Variants in DTX3L observed in about 807,000 individuals in gnomAD.
DTX3L encodes the protein E3 ubiquitin-protein ligase DTX3L.
DTX3L carries 34 observed loss-of-function variants against 60.9 expected under a neutral mutation model. That is an observed-to-expected ratio of 0.56 (90% CI 0.42 to 0.74). The LOEUF is 0.74. Ranked by LOEUF, DTX3L falls within the 30% of genes least tolerant of loss-of-function variation. DTX3L has a pLI of 0.00. For missense variants in DTX3L, 810 were observed against 874.0 expected, an observed-to-expected ratio of 0.93 and a Z score of 0.92; for synonymous variants, 290 against 316.6, an observed-to-expected ratio of 0.92 and a Z score of 0.89.
chr3:122,571,826 C>T lies in DTX3L; in HGVS notation c.*79C>T. On this transcript the variant is annotated 3_prime_UTR_variant, in exon 5 of 5. Coordinates refer to ENST00000296161, the MANE Select transcript of DTX3L (RefSeq NM_138287.3). ...AGGCTGATTTAATGCCAGTCTAAATCCTTATGTAGAAAGGACTTTGAAATT... is the reference window on the plus strand; with the variant it reads ...AGGCTGATTTAATGCCAGTCTAAATTCTTATGTAGAAAGGACTTTGAAATT... The T allele has an allele frequency of 8.2e-7, 1 of 1,224,280 alleles. No individual in the cohort carries two copies. Among genetic ancestry groups the T allele is most frequent in the Non-Finnish European group, 1.1e-6 (1 of 875,290 alleles). The allele number at this position is 1,224,280 out of a possible 1,614,324, so 75.8% of individuals were successfully genotyped here.
chr3:122,565,831 A>G, intron 1 of DTX3L, 28 bp from the exon 2 acceptor site: 2 of 1,598,982 alleles, frequency 1.3e-6, no homozygotes, highest in Non-Finnish European at 1.7e-6. Context: ...ATGTGTGTAT[A>G]TGTGTGTGTT....
rs367977049 is a variant in DTX3L at position 122,569,694 on chromosome 3, C to T, written c.1605C>T (p.Ser535=). ...CGATGGACATTGATAGCGATGATTC[C>T]AAAGCAGCTTCTCCGCCACTCAAGG... ...ETPMDIDSDD[S]KAASPPLKGS... Residue 535 remains serine (S), a synonymous_variant, in exon 3 of 5, where the codon TCC becomes TCT. Coordinates refer to ENST00000296161, the MANE Select transcript of DTX3L (RefSeq NM_138287.3). 6.1e-5 allele frequency: 99 copies of T among 1,613,932 alleles called. No individual in the cohort carries two copies. The highest frequency in any genetic ancestry group is 8.2e-5 in the Non-Finnish European group (97 of 1,180,008).
At chr3:122,568,350 TAGGATTTG>T in intron 2 of DTX3L, 131 bp from the exon 3 acceptor site, 3 of 379,776 alleles carry the variant, frequency 7.9e-6, no homozygotes, top group Non-Finnish European at 1.4e-5. Context: ...AATAAATAAA[TAGGATTTG>T]AAAGAAGTTG....
At chr3:122,570,275 A>T in intron 3 of DTX3L, 180 bp from the exon 4 acceptor site, 2 of 750,486 alleles carry the variant, frequency 2.7e-6, no homozygotes, top group South Asian at 3.7e-5. Flanking sequence ...AGGAAGGTGG[A>T]CAGTGTTTCC....
In DTX3L at chr3:122,569,666, C is replaced by T. The variant is rs1240262682; in HGVS notation, c.1577C>T (p.Thr526Ile). ...AAGAAATTGAAAGAGGGTCATGAAA[C>T]ACCGATGGACATTGATAGCGATGAT... ...AGKKLKEGHE[T>I]PMDIDSDDSK... The change falls in exon 3 of 5, where the codon ACA (threonine) becomes ATA (isoleucine). Residue 526 changes from threonine to isoleucine, a missense_variant. Coordinates refer to ENST00000296161, the MANE Select transcript of DTX3L (RefSeq NM_138287.3). The T allele has an allele frequency of 2.5e-6, 4 of 1,614,160 alleles. No homozygotes were observed. In the Admixed American group the frequency reaches 6.7e-5, roughly 27 times the overall value.
rs2080661641 is a variant in DTX3L, at chr3:122,573,426, T to A, written c.*1679T>A. On this transcript the variant is annotated 3_prime_UTR_variant, in exon 5 of 5. Coordinates refer to ENST00000296161, the MANE Select transcript of DTX3L (RefSeq NM_138287.3). ...CAGAGGCAGGAGTAAGGAAGCCATT[T>A]CTGGAGTCCTTGCTACTAATTTGGA... is the stretch of plus-strand genomic sequence containing the variant. 6.6e-6 allele frequency: 1 copy of A among 152,234 alleles called. No individual in the cohort carries two copies. The allele number at this position is 152,234 out of a possible 1,614,324, so 9.4% of individuals were successfully genotyped here.
rs2080655807 is a variant in DTX3L, at chr3:122,572,993, T to A, written c.*1246T>A. On this transcript the variant is annotated 3_prime_UTR_variant, in exon 5 of 5. Transcript: ENST00000296161. ...TGGGTAATTGATAAAGAAAAAGGTTTGTTTGGCTCACAATTTTGCTGGCTA... is the reference window on the plus strand; with the variant it reads ...TGGGTAATTGATAAAGAAAAAGGTTAGTTTGGCTCACAATTTTGCTGGCTA... The A allele has an allele frequency of 6.6e-6, 1 of 152,252 alleles. No homozygotes were observed. Among genetic ancestry groups the A allele is most frequent in the African/African-American group, 2.4e-5 (1 of 41,442 alleles). The allele number at this position is 152,252 out of a possible 1,614,324, so 9.4% of individuals were successfully genotyped here.
chr3:122,569,268 A>G lies in DTX3L; in HGVS notation c.1179A>G (p.Leu393=), dbSNP rs1490226659. ...AHYKLLETEL[L]QEISEIEKRY... The stretch of plus-strand genomic sequence containing the variant: ...ATAAACTTTTAGAAACTGAATTACT[A>G]CAGGAGATATCAGAGATCGAAAAAA... The change falls in exon 3 of 5, where the codon CTA becomes CTG. Residue 393 remains leucine, a synonymous_variant. Transcript: ENST00000296161. 1.9e-6 allele frequency: 3 copies of G among 1,614,216 alleles called. No homozygotes were observed. The highest frequency in any genetic ancestry group is 2.2e-5 in the East Asian group (1 of 44,886).
At chr3:122,566,471 A>T in intron 2 of DTX3L, among the ~76,000 whole-genome samples, 1 of 151,460 alleles carries the variant, frequency 6.6e-6, no homozygotes, top group East Asian at 1.9e-4. Flanking sequence ...GGCTCAAGGG[A>T]TCCTCTCACC....
chr3:122,569,397 T>G lies in DTX3L; in HGVS notation c.1308T>G (p.Ser436Arg), dbSNP rs768097379. The change falls in exon 3 of 5, where the codon AGT (serine) becomes AGG (arginine). Residue 436 changes from serine to arginine, a missense_variant. By Grantham distance (110) the Ser-to-Arg change is moderately radical. Coordinates refer to ENST00000296161, the MANE Select transcript of DTX3L (RefSeq NM_138287.3). Reference protein sequence around the residue: ...QVDLSVHAYASFIDAFQHASC... With the variant: ...QVDLSVHAYARFIDAFQHASC... Reference sequence around the variant, plus strand: ...ATCTATCTGTGCATGCTTATGCAAGTTTCATCGATGCCTTTCAACATGCCT... The same window carrying G: ...ATCTATCTGTGCATGCTTATGCAAGGTTCATCGATGCCTTTCAACATGCCT... The G allele has an allele frequency of 6.2e-7, 1 of 1,614,150 alleles. No individual in the cohort carries two copies. Among genetic ancestry groups the G allele is most frequent in the Non-Finnish European group, 8.5e-7 (1 of 1,180,026 alleles).
At chr3:122,565,512 T>TA (rs770609802) in intron 1 of DTX3L, among the ~76,000 whole-genome samples, 9,541 of 52,776 alleles carry the variant, frequency 0.18, 1,100 homozygotes, top group African/African-American at 0.32. Context: ...AGACTCCGTC[T>TA]AAAAAAAAAA....
chr3:122,568,114 A>G (rs577799085), intron 2 of DTX3L, among the ~76,000 whole-genome samples: 1 of 152,300 alleles, frequency 6.6e-6, no homozygotes, highest in African/African-American at 2.4e-5. Flanking sequence ...GTTCCAGGCT[A>G]GCCTGACCAA....
In DTX3L at chr3:122,569,571, T is replaced by C. The variant is rs767549714; in HGVS notation, c.1482T>C (p.Gly494=). Residue 494 remains glycine, a synonymous_variant, in exon 3 of 5, where the codon GGT becomes GGC. Transcript: ENST00000296161. ...ATCAAGAGTCAATGACTTTGACTGG[T>C]TTGCCAAATCACCTTGCAAAGGCGA... ...VLNQESMTLT[G]LPNHLAKAKQ... 6 of 1,614,180 alleles carry C rather than the reference T, an allele frequency of 3.7e-6. No homozygotes were observed. The South Asian group carries it at 6.6e-5, about 18-fold the overall frequency.
rs1559900349 is a variant in DTX3L at position 122,565,915 on chromosome 3, G to GT, written c.245dup (p.Pro83AlafsTer8). On this transcript the variant is annotated frameshift_variant, in exon 2 of 5. Coordinates refer to ENST00000296161, the MANE Select transcript of DTX3L (RefSeq NM_138287.3). LOFTEE classifies it high-confidence loss of function. The stretch of plus-strand genomic sequence containing the variant: ...CCAAATACTTGTTGACGAAAAACCT[G>GT]TGCCCATTTTCCTGGTACCCACTGA... 8 of 1,614,136 alleles carry GT rather than the reference G, an allele frequency of 5.0e-6. No homozygotes were observed. The highest frequency in any genetic ancestry group is 6.8e-6 in the Non-Finnish European group (8 of 1,180,036).
chr3:122,567,642 C>G (rs982852388), intron 2 of DTX3L, among the ~76,000 whole-genome samples: 2 of 151,984 alleles, frequency 1.3e-5, no homozygotes, highest in South Asian at 2.1e-4. Flanking sequence ...TTAGTTGAAA[C>G]AAGAATAAAG....
rs1253901389 is a variant in DTX3L, at chr3:122,568,640, T to C, written c.551T>C (p.Ile184Thr). ...VCGDFQDIER[I>T]HQFLSEQFLE... ...GGTGACTTCCAAGACATTGAAAGAATACATCAATTTTTGAGTGAGCAGTTC... is the reference window on the plus strand; with the variant it reads ...GGTGACTTCCAAGACATTGAAAGAACACATCAATTTTTGAGTGAGCAGTTC... The change falls in exon 3 of 5, where the codon ATA becomes ACA. Residue 184 changes from isoleucine to threonine, a missense_variant. By Grantham distance (89) the Ile-to-Thr change is moderately conservative. Transcript: ENST00000296161. The C allele has an allele frequency of 6.2e-7, 1 of 1,614,182 alleles. No homozygotes were observed. The highest frequency in any genetic ancestry group is 2.2e-5 in the East Asian group (1 of 44,880).
rs770773228 is a variant in DTX3L at position 122,564,588 on chromosome 3, C to T, written c.162C>T (p.Phe54=). 108 of 1,600,202 alleles carry T rather than the reference C, an allele frequency of 6.7e-5. No homozygotes were observed. The highest frequency in any genetic ancestry group is 9.1e-5 in the Non-Finnish European group (107 of 1,173,662). The part of the protein sequence containing the change: ...STQEHEAPGT[F]RVEFSERAAK... ...AGGAACACGAAGCCCCGGGCACCTT[C>T]CGGGTGGAGTTCAGTGAAAGGGCAG... Residue 54 remains phenylalanine (F), a synonymous_variant, in exon 1 of 5, where the codon TTC becomes TTT. Transcript: ENST00000296161.
rs948168969 is a variant in DTX3L at position 122,574,546 on chromosome 3, T to C, written c.*2799T>C. 3 of 152,238 alleles carry C rather than the reference T, an allele frequency of 2.0e-5. No homozygotes were observed. The highest frequency in any genetic ancestry group is 2.0e-4 in the Admixed American group (3 of 15,280). 9.4% of individuals were successfully genotyped at this position (152,238 alleles called of 1,614,324 possible). On this transcript the variant is annotated 3_prime_UTR_variant, in exon 5 of 5. Transcript: ENST00000296161. ...TTTAATGAGTACTTACCTTAGTTTG[T>C]CCCCTTTACAACAGCTTTACATCTG... is the stretch of plus-strand genomic sequence containing the variant.
chr3:122,569,679 T>C lies in DTX3L; in HGVS notation c.1590T>C (p.Ile530=). ...AGGGTCATGAAACACCGATGGACAT[T>C]GATAGCGATGATTCCAAAGCAGCTT... ...LKEGHETPMD[I]DSDDSKAASP... Residue 530 remains isoleucine, a synonymous_variant, in exon 3 of 5, where the codon ATT becomes ATC. Coordinates refer to ENST00000296161, the MANE Select transcript of DTX3L (RefSeq NM_138287.3). 6.2e-7 allele frequency: 1 copy of C among 1,614,076 alleles called. No individual in the cohort carries two copies. Among genetic ancestry groups the C allele is most frequent in the Non-Finnish European group, 8.5e-7 (1 of 1,180,012 alleles).
Sources: allele counts gnomAD v4.1 joint callset (sites outside exome capture counted in the v4.1 genomes callset), GRCh38; gene constraint gnomAD v4.1.1; transcripts MANE v1.5; gene names NCBI Gene and HGNC (gene_info 2026-07-23, HGNC 2026-07-21).